The following AGBL1 variants were observed in gnomAD, a reference collection of about 807,000 sequenced individuals.
AGBL1 encodes the protein AGBL carboxypeptidase 1.
AGBL1 carries 130 observed loss-of-function variants against 118.9 expected under a neutral mutation model. The ratio of observed to expected loss-of-function variants is 1.09; its 90% CI spans 0.95 to 1.26. The LOEUF is 1.26. Ranked by LOEUF, AGBL1 falls within the 50% of genes most tolerant of loss-of-function variation. The pLI, the probability that AGBL1 is intolerant of heterozygous loss-of-function variation, is 0.00. For synonymous variants in AGBL1, 555 were observed against 478.9 expected (o/e 1.16, Z -2.08); for missense variants, 1,584 against 1,298.1 (o/e 1.22, Z -3.38).
intron 17 of AGBL1, among the ~76,000 whole-genome samples, chr15:86,384,300 A>G (rs955818789): frequency 1.3e-5 from 2 of 152,162 alleles, no homozygotes; most frequent in African/African-American, 2.4e-5. Context: ...CTAGGGGCAA[A>G]GGAGCTAGTA....
At chr15:86,209,341 G>A (rs138810687) in intron 5 of AGBL1, among the ~76,000 whole-genome samples, 1 of 152,286 alleles carries the variant, frequency 6.6e-6, no homozygotes, top group Non-Finnish European at 1.5e-5. Context: ...TCTGCTTGGT[G>A]CAGAGCTGAG....
intron 4 of AGBL1, among the ~76,000 whole-genome samples, chr15:86,157,795 AC>A (rs1042393379): frequency 2.0e-4 from 31 of 152,246 alleles, no homozygotes; most frequent in African/African-American, 7.5e-4. Context: ...GAGCCAATGA[AC>A]CCTTTGGAAG....
rs749049021 is a variant in AGBL1, at chr15:86,556,247, AC to A, written c.2994+1711del. 8 of 1,613,280 alleles carry A rather than the reference AC, an allele frequency of 5.0e-6. No homozygotes were observed. In the African/African-American group the frequency reaches 1.1e-4, roughly 22 times the overall value. ...GTGTACACAGAGGCTGTTGGAGAGG[AC>A]AAAGAATGAAAGGGCTCACCCAGTG... On this transcript the variant is annotated intron_variant, in intron 21 of 22. Transcript: ENST00000614907.
chr15:86,772,509 G>C (rs1234442055), intron 22 of AGBL1, among the ~76,000 whole-genome samples: 2 of 152,062 alleles, frequency 1.3e-5, no homozygotes, highest in Non-Finnish European at 1.5e-5. Flanking sequence ...GGACAGGAGA[G>C]AAACATTGGT....
chr15:86,819,836 C>T (rs866536943), intron 22 of AGBL1, among the ~76,000 whole-genome samples: 27 of 151,704 alleles, frequency 1.8e-4, no homozygotes, highest in Middle Eastern at 3.2e-3. Flanking sequence ...ATAGCCAAGA[C>T]AATCCTAAGC....
At chr15:86,100,716 G>T (rs969426715) in intron 1 of AGBL1, among the ~76,000 whole-genome samples, 9 of 151,680 alleles carry the variant, frequency 5.9e-5, no homozygotes, top group Non-Finnish European at 5.9e-5. Context: ...TAGCTTTTTT[G>T]TTGTTGTTGT....
At chr15:86,748,423 C>T (rs1256371301) in intron 22 of AGBL1, among the ~76,000 whole-genome samples, 16 of 141,012 alleles carry the variant, frequency 1.1e-4, no homozygotes, top group Admixed American at 3.8e-4. Flanking sequence ...TTCTCCCATT[C>T]TGTAGGTTGC....
At chr15:86,594,083 G>C (rs927705191) in intron 21 of AGBL1, among the ~76,000 whole-genome samples, 5 of 151,906 alleles carry the variant, frequency 3.3e-5, no homozygotes, top group Non-Finnish European at 7.4e-5. Context: ...CATCACACAT[G>C]TCTGGCTATT....
intron 18 of AGBL1, among the ~76,000 whole-genome samples, chr15:86,408,007 C>T (rs1015328450): frequency 6.6e-6 from 1 of 152,132 alleles, no homozygotes; most frequent in Non-Finnish European, 1.5e-5. Context: ...GAAGAAGCAG[C>T]GCAGACCAGC....
At chr15:86,211,581 C>A (rs976465933) in intron 5 of AGBL1, among the ~76,000 whole-genome samples, 1 of 152,338 alleles carries the variant, frequency 6.6e-6, no homozygotes, top group South Asian at 2.1e-4. Context: ...TGCTACCTCA[C>A]AGGTCGATCT....
chr15:86,143,104 G>C (rs1292001196), intron 2 of AGBL1, among the ~76,000 whole-genome samples: 1 of 152,154 alleles, frequency 6.6e-6, no homozygotes, highest in Non-Finnish European at 1.5e-5. Context: ...ATTGTACTTA[G>C]GTAGAAAGAC....
intron 23 of AGBL1, among the ~76,000 whole-genome samples, chr15:86,969,476 G>A (rs761108318): frequency 6.6e-6 from 1 of 151,734 alleles, no homozygotes; most frequent in Non-Finnish European, 1.5e-5. Flanking sequence ...AGTCAGTGAG[G>A]ATACATGCAT....
intron 3 of AGBL1, among the ~76,000 whole-genome samples, chr15:86,152,201 G>T (rs1404205963): frequency 6.6e-6 from 1 of 152,134 alleles, no homozygotes; most frequent in Admixed American, 6.6e-5. Flanking sequence ...AAAAGAGCAT[G>T]CATTGCCAAG....
At chr15:86,500,841 T>C (rs1364958217) in intron 18 of AGBL1, among the ~76,000 whole-genome samples, 1 of 151,828 alleles carries the variant, frequency 6.6e-6, no homozygotes, top group Admixed American at 6.6e-5. Flanking sequence ...TTTGTTTCTT[T>C]CTATGGCTCA....
intron 17 of AGBL1, among the ~76,000 whole-genome samples, chr15:86,350,478 G>A (rs998180409): frequency 3.3e-5 from 5 of 152,180 alleles, no homozygotes; most frequent in Admixed American, 6.5e-5. Flanking sequence ...TGTGCTGGTC[G>A]GGTGTCATCT....
intron 18 of AGBL1, among the ~76,000 whole-genome samples, chr15:86,451,369 A>G (rs893555235): frequency 6.6e-6 from 1 of 152,230 alleles, no homozygotes; most frequent in Non-Finnish European, 1.5e-5. Context: ...TGTTCTTTGC[A>G]TTCTTATATA....
In AGBL1 at chr15:86,093,987, G is replaced by A. The variant is rs138953396; in HGVS notation, c.51+13964G>A. 3.9e-3 allele frequency among the ~76,000 whole-genome samples: 601 copies of A among 152,168 alleles called. 7 individuals carry two copies. The highest frequency in any genetic ancestry group is 0.014 in the African/African-American group (568 of 41,520). On this transcript the variant is annotated intron_variant, in intron 1 of 22. Transcript: ENST00000614907. ...AATTTGTTAGGTGAGGAAACATTCCGATTACATTCTAATCTAGTATTGTAT... is the reference window on the plus strand; with the variant it reads ...AATTTGTTAGGTGAGGAAACATTCCAATTACATTCTAATCTAGTATTGTAT...
chr15:86,213,568 C>T (rs1477029911), intron 5 of AGBL1, among the ~76,000 whole-genome samples: 1 of 152,110 alleles, frequency 6.6e-6, no homozygotes, highest in South Asian at 2.1e-4. Context: ...GTTTGAAAAT[C>T]ACTGGTCTCA....
At chr15:86,308,232 A>G (rs2079869509) in intron 17 of AGBL1, among the ~76,000 whole-genome samples, 1 of 152,224 alleles carries the variant, frequency 6.6e-6, no homozygotes, top group Non-Finnish European at 1.5e-5. Context: ...CCTAGAATTC[A>G]TGAGTTGAAA....
Sources: gnomAD v4.1 joint callset for allele counts (sites outside exome capture counted in the v4.1 genomes callset) on GRCh38, gnomAD v4.1.1 for gene constraint, MANE v1.5 for transcripts, NCBI Gene and HGNC (gene_info 2026-07-23, HGNC 2026-07-21) for gene names.